Variants in CCNY observed in about 807,000 individuals in gnomAD.
CCNY encodes the protein cyclin-Y.
CCNY carries 19 observed loss-of-function variants against 42.8 expected under a neutral mutation model. That is an observed-to-expected ratio of 0.44 (90% CI 0.31 to 0.65). The LOEUF (loss-of-function observed/expected upper bound fraction) is 0.65. Ranked by LOEUF, CCNY falls within the 30% of genes least tolerant of loss-of-function variation. The pLI, the probability that CCNY is intolerant of heterozygous loss-of-function variation, is 0.07. For missense variants in CCNY, 370 were observed against 437.3 expected, an observed-to-expected ratio of 0.85 and a Z score of 1.37; for synonymous variants, 165 against 162.7, an observed-to-expected ratio of 1.01 and a Z score of -0.11.
intron 7 of CCNY, among the ~76,000 whole-genome samples, chr10:35,549,634 C>T (rs1271981335): frequency 3.6e-5 from 5 of 138,126 alleles, no homozygotes; most frequent in East Asian, 2.2e-4. Context: ...CTACAGTGCT[C>T]GTGACCCTGC....
chr10:35,450,400 T>C (rs927951064), intron 1 of CCNY, among the ~76,000 whole-genome samples: 1 of 152,158 alleles, frequency 6.6e-6, no homozygotes, highest in Non-Finnish European at 1.5e-5. Flanking sequence ...GACATTGTGC[T>C]GGGGATGTGT....
intron 3 of CCNY, among the ~76,000 whole-genome samples, chr10:35,319,094 C>T (rs1311515876): frequency 6.6e-6 from 1 of 151,934 alleles, no homozygotes; most frequent in Admixed American, 6.6e-5. Context: ...TCTCAAGTAG[C>T]TGAGACCAGA....
intron 2 of CCNY, among the ~76,000 whole-genome samples, chr10:35,500,560 A>G (rs1785312881): frequency 6.6e-6 from 1 of 152,202 alleles, no homozygotes; most frequent in South Asian, 2.1e-4. Flanking sequence ...CCAAGATAAC[A>G]TTGTTGATTC....
chr10:35,258,894 C>G (rs1347889567), intron 3 of CCNY, among the ~76,000 whole-genome samples: 4 of 151,038 alleles, frequency 2.6e-5, no homozygotes, highest in African/African-American at 9.8e-5. Context: ...CGAGATCGAG[C>G]CACTGCACTC....
At chr10:35,293,784 A>G (rs1256087995) in intron 3 of CCNY, among the ~76,000 whole-genome samples, 2 of 151,062 alleles carry the variant, frequency 1.3e-5, no homozygotes, top group Non-Finnish European at 3.0e-5. Flanking sequence ...CAGACATACA[A>G]TTGATTTTTT....
At chr10:35,411,635 C>T (rs2135247701) in intron 1 of CCNY, among the ~76,000 whole-genome samples, 1 of 151,858 alleles carries the variant, frequency 6.6e-6, no homozygotes, top group African/African-American at 2.4e-5. Flanking sequence ...GGGTTGACCT[C>T]AGTATTGTTT....
At chr10:35,281,651 T>C (rs965509468) in intron 3 of CCNY, among the ~76,000 whole-genome samples, 7 of 152,122 alleles carry the variant, frequency 4.6e-5, no homozygotes, top group Non-Finnish European at 1.5e-5. Context: ...AATAGCTAAA[T>C]AATGAGAACA....
intron 1 of CCNY, among the ~76,000 whole-genome samples, chr10:35,428,963 A>G (rs1023494648): frequency 3.3e-5 from 5 of 152,200 alleles, no homozygotes; most frequent in Non-Finnish European, 5.9e-5. Context: ...AACCTAAACA[A>G]TTTGAGGAAC....
At chr10:35,291,154 C>T (rs1167702298) in intron 3 of CCNY, among the ~76,000 whole-genome samples, 9 of 152,132 alleles carry the variant, frequency 5.9e-5, no homozygotes, top group Admixed American at 1.3e-4. Flanking sequence ...GACAAGCACC[C>T]GCCACCACGC....
intron 7 of CCNY, among the ~76,000 whole-genome samples, chr10:35,533,221 C>G (rs986789818): frequency 6.6e-6 from 1 of 152,172 alleles, no homozygotes; most frequent in East Asian, 1.9e-4. Context: ...TGACTGGCCC[C>G]AGTTCCTTTG....
At position 35,499,728 on chromosome 10, in the gene CCNY, C is replaced by G. The variant is rs114221743; in HGVS notation, c.230-1773C>G. 6.8e-3 allele frequency among the ~76,000 whole-genome samples: 1,032 copies of G among 152,214 alleles called. 11 individuals carry two copies. Among genetic ancestry groups the G allele is most frequent in the African/African-American group, 0.024 (986 of 41,534 alleles). ...GAGACTTGTGTCTCTTTTGCACAAA[C>G]CTATCACTGGGTTGCTCTGAGAAGG... On this transcript the variant is annotated intron_variant, in intron 2 of 9. Coordinates refer to ENST00000374704, the MANE Select transcript of CCNY (RefSeq NM_145012.6).
At chr10:35,454,765 G>A (rs570559131) in intron 1 of CCNY, among the ~76,000 whole-genome samples, 23 of 152,312 alleles carry the variant, frequency 1.5e-4, no homozygotes, top group South Asian at 1.0e-3. Context: ...CTTTCTTGTG[G>A]AATTGTCCTC....
intron 1 of CCNY, among the ~76,000 whole-genome samples, chr10:35,356,785 A>G (rs1836559726): frequency 6.6e-6 from 1 of 152,158 alleles, no homozygotes; most frequent in South Asian, 2.1e-4. Context: ...CCATTCTCTT[A>G]AAACTATTCT....
intron 1 of CCNY, among the ~76,000 whole-genome samples, chr10:35,351,504 A>T (rs538682942): frequency 1.5e-4 from 23 of 152,332 alleles, no homozygotes; most frequent in Admixed American, 5.9e-4. Flanking sequence ...CAAGTTAAAT[A>T]CGTTCTTTAG....
At chr10:35,400,444 A>G (rs895655626) in intron 1 of CCNY, among the ~76,000 whole-genome samples, 1 of 152,176 alleles carries the variant, frequency 6.6e-6, no homozygotes, top group Non-Finnish European at 1.5e-5. Flanking sequence ...ACGTCGTGGA[A>G]TGGAGCCTTG....
chr10:35,449,456 G>A (rs1009732134), intron 1 of CCNY, among the ~76,000 whole-genome samples: 6 of 152,276 alleles, frequency 3.9e-5, no homozygotes, highest in Admixed American at 3.9e-4. Context: ...TACTGGGCAG[G>A]GTTCCAGAGA....
chr10:35,538,479 G>C (rs1840931126), intron 7 of CCNY, among the ~76,000 whole-genome samples: 1 of 152,200 alleles, frequency 6.6e-6, no homozygotes, highest in African/African-American at 2.4e-5. Flanking sequence ...ATCAATGCTT[G>C]TTAGTGTCTG....
intron 1 of CCNY, among the ~76,000 whole-genome samples, chr10:35,355,591 T>C (rs1836527313): frequency 7.1e-6 from 1 of 140,880 alleles, no homozygotes; most frequent in Non-Finnish European, 1.5e-5. Context: ...GGCAGAAGAA[T>C]CGCTTGAACC....
At chr10:35,444,439 G>T (rs1481404736) in intron 1 of CCNY, among the ~76,000 whole-genome samples, 1 of 152,036 alleles carries the variant, frequency 6.6e-6, no homozygotes, top group Non-Finnish European at 1.5e-5. Flanking sequence ...GTAGATAAGG[G>T]GTTTCACCAT....
Sources: gnomAD v4.1 joint callset for allele counts (sites outside exome capture counted in the v4.1 genomes callset) on GRCh38, gnomAD v4.1.1 for gene constraint, MANE v1.5 for transcripts, NCBI Gene and HGNC (gene_info 2026-07-23, HGNC 2026-07-21) for gene names.